MCC: variants seen among roughly 807,000 people sequenced by gnomAD.
MCC encodes colorectal mutant cancer protein.
A neutral mutation model predicts 116.2 loss-of-function variants in MCC; 90 were observed. The observed-to-expected ratio is 0.77, with a 90% CI of 0.65 to 0.92. The LOEUF is 0.92. MCC is among the 40% of genes least tolerant of loss of function. The pLI, the probability that MCC is intolerant of heterozygous loss-of-function variation, is 0.00. For missense variants in MCC, 1,516 were observed against 1,312.2 expected (o/e 1.16, Z -2.40); for synonymous variants, 578 against 510.5 (o/e 1.13, Z -1.78).
chr5:113,351,339 G>A (rs1768263050), intron 2 of MCC, among the ~76,000 whole-genome samples: 1 of 151,972 alleles, frequency 6.6e-6, no homozygotes, highest in Non-Finnish European at 1.5e-5. Context: ...TAAATACAAT[G>A]TACATTTTTT....
At chr5:113,191,202 T>C (rs1188835892) in intron 3 of MCC, among the ~76,000 whole-genome samples, 2 of 152,212 alleles carry the variant, frequency 1.3e-5, no homozygotes, top group African/African-American at 2.4e-5. Flanking sequence ...CATCCAATGT[T>C]AGAAGTGGGA....
rs191031726 is a variant in MCC, at chr5:113,264,849, C to T, written c.627+75670G>A. On this transcript the variant is annotated intron_variant, in intron 3 of 18. Coordinates refer to ENST00000408903, the MANE Select transcript of MCC (RefSeq NM_001085377.2). ...CCTGAGGTTAGGAGTTTGAGACCAG[C>T]CTGGCCACATGGTGAAACCCCATCT... 1.5e-4 allele frequency among the ~76,000 whole-genome samples: 23 copies of T among 152,250 alleles called. No individual in the cohort carries two copies. In the East Asian group the frequency reaches 4.2e-3, roughly 28 times the overall value.
At chr5:113,277,620 A>G (rs1240418255) in intron 3 of MCC, among the ~76,000 whole-genome samples, 27 of 152,212 alleles carry the variant, frequency 1.8e-4, no homozygotes, top group Non-Finnish European at 5.9e-5. Flanking sequence ...CTTTAGTTAT[A>G]ATGGCAGATT....
At chr5:113,076,253 G>A (rs1057413121) in intron 11 of MCC, among the ~76,000 whole-genome samples, 2 of 152,166 alleles carry the variant, frequency 1.3e-5, no homozygotes, top group African/African-American at 2.4e-5. Flanking sequence ...TTATCCAGGA[G>A]AACGTCCCCA....
chr5:113,221,144 C>T (rs1414551439), intron 3 of MCC, among the ~76,000 whole-genome samples: 2 of 152,196 alleles, frequency 1.3e-5, no homozygotes, highest in Non-Finnish European at 2.9e-5. Context: ...GTCAAGGCTG[C>T]AGTGAGCCGT....
intron 5 of MCC, among the ~76,000 whole-genome samples, chr5:113,136,433 A>G (rs1234358046): frequency 6.6e-6 from 1 of 152,186 alleles, no homozygotes; most frequent in Non-Finnish European, 1.5e-5. Flanking sequence ...TGATATTCCT[A>G]TAGGTAGAAT....
intron 3 of MCC, among the ~76,000 whole-genome samples, chr5:113,232,526 G>T (rs1763973468): frequency 6.6e-6 from 1 of 152,056 alleles, no homozygotes; most frequent in South Asian, 2.1e-4. Context: ...GCCCAAAAAA[G>T]CTGAGATCAG....
rs1024833173 is a variant in MCC at position 113,022,623 on chromosome 5, T to C, written c.*4679A>G. On this transcript the variant is annotated 3_prime_UTR_variant, in exon 19 of 19. Coordinates refer to ENST00000408903, the MANE Select transcript of MCC (RefSeq NM_001085377.2). The stretch of plus-strand genomic sequence containing the variant: ...TCCTGACATGAGCACTATAAGTGAA[T>C]ACTATGAGTTCTACAAACAGAACAT... 1 of 152,236 alleles carries C rather than the reference T, an allele frequency of 6.6e-6. No homozygotes were observed. The highest frequency in any genetic ancestry group is 1.5e-5 in the Non-Finnish European group (1 of 68,044). 9.4% of individuals were successfully genotyped at this position (152,236 alleles called of 1,614,324 possible). A position where few individuals can be genotyped will look rare whatever the true frequency, so the allele number is the denominator to read the frequency against.
chr5:113,054,846 G>A (rs1426653030), intron 14 of MCC, among the ~76,000 whole-genome samples: 1 of 152,212 alleles, frequency 6.6e-6, no homozygotes. Context: ...GAAAGGGGGA[G>A]CACCACTGGA....
chr5:113,177,763 TG>T (rs1328396510), intron 3 of MCC, among the ~76,000 whole-genome samples: 2 of 152,232 alleles, frequency 1.3e-5, no homozygotes, highest in African/African-American at 4.8e-5. Flanking sequence ...TGGCGAATTT[TG>T]TGTTATTTTC....
intron 3 of MCC, among the ~76,000 whole-genome samples, chr5:113,174,446 G>C (rs576296059): frequency 6.6e-6 from 1 of 152,016 alleles, no homozygotes; most frequent in Non-Finnish European, 1.5e-5. Context: ...ATTTATTATA[G>C]CAGTATAATA....
intron 3 of MCC, among the ~76,000 whole-genome samples, chr5:113,243,999 C>T (rs1180872527): frequency 6.6e-6 from 1 of 152,208 alleles, no homozygotes; most frequent in Non-Finnish European, 1.5e-5. Flanking sequence ...TAGTTCAATA[C>T]CCACCAACAG....
chr5:113,212,341 T>C (rs1763164307), intron 3 of MCC, among the ~76,000 whole-genome samples: 1 of 152,174 alleles, frequency 6.6e-6, no homozygotes, highest in Non-Finnish European at 1.5e-5. Context: ...TATTTGAACA[T>C]GGGCATTTGT....
intron 14 of MCC, among the ~76,000 whole-genome samples, chr5:113,056,333 T>C (rs1296704703): frequency 6.6e-6 from 1 of 152,154 alleles, no homozygotes; most frequent in Non-Finnish European, 1.5e-5. Context: ...TAAATGCCCA[T>C]CAGTGGTAGA....
intron 4 of MCC, among the ~76,000 whole-genome samples, chr5:113,147,285 T>C (rs912630715): frequency 2.6e-5 from 4 of 152,192 alleles, no homozygotes; most frequent in African/African-American, 9.7e-5. Context: ...TATGGTGCAA[T>C]CCAGGGATAA....
intron 6 of MCC, among the ~76,000 whole-genome samples, chr5:113,107,584 A>C (rs1165455146): frequency 4.6e-5 from 7 of 152,186 alleles, no homozygotes; most frequent in Non-Finnish European, 7.3e-5. Flanking sequence ...GAGGAGAAGA[A>C]CAACTCAGAG....
chr5:113,086,048 T>A (rs1474997073), intron 8 of MCC, among the ~76,000 whole-genome samples: 1 of 152,208 alleles, frequency 6.6e-6, no homozygotes, highest in African/African-American at 2.4e-5. Context: ...CTGACTGTGC[T>A]GGGGACTGCG....
chr5:113,281,773 T>C (rs1028581455), intron 3 of MCC, among the ~76,000 whole-genome samples: 24 of 152,340 alleles, frequency 1.6e-4, no homozygotes, highest in Non-Finnish European at 3.4e-4. Context: ...CTCTCAGCAT[T>C]CCTGCATATT....
chr5:113,144,470 G>A (rs988066712), intron 4 of MCC, among the ~76,000 whole-genome samples: 13 of 152,150 alleles, frequency 8.5e-5, no homozygotes, highest in African/African-American at 2.4e-4. Context: ...GCTTTCCAGC[G>A]TTGCAGGTTG....
Sources: allele counts gnomAD v4.1 joint callset (sites outside exome capture counted in the v4.1 genomes callset), GRCh38; gene constraint gnomAD v4.1.1; transcripts MANE v1.5; gene names NCBI Gene and HGNC (gene_info 2026-07-23, HGNC 2026-07-21).